Variants in PIK3C3 observed in about 807,000 individuals in gnomAD.
PIK3C3 encodes phosphatidylinositol 3-kinase catalytic subunit type 3.
In PIK3C3, 95 loss-of-function variants were observed where a neutral mutation model predicts 126.1. The ratio of observed to expected loss-of-function variants is 0.75; its 90% CI spans 0.64 to 0.89. The LOEUF (loss-of-function observed/expected upper bound fraction) is 0.89. PIK3C3 is among the 40% of genes least tolerant of loss of function. The pLI, the probability that PIK3C3 is intolerant of heterozygous loss-of-function variation, is 0.00. For missense variants in PIK3C3, 829 were observed against 1,063.2 expected (o/e 0.78, Z 3.06); for synonymous variants, 374 against 360.0 (o/e 1.04, Z -0.44).
chr18:42,085,629 G>C lies in PIK3C3; in HGVS notation c.*4492G>C, dbSNP rs1444462561. The stretch of plus-strand genomic sequence containing the variant: ...ATATTTAAGTCACAGTCAATTTTCT[G>C]TTGGTCTAATTTTACCAAATAACCC... On this transcript the variant is annotated 3_prime_UTR_variant, in exon 25 of 25. Coordinates refer to ENST00000262039, the MANE Select transcript of PIK3C3 (RefSeq NM_002647.4). The C allele has an allele frequency of 6.6e-6, 1 of 152,168 alleles. No homozygotes were observed. The highest frequency in any genetic ancestry group is 6.5e-5 in the Admixed American group (1 of 15,278). 9.4% of individuals were successfully genotyped at this position (152,168 alleles called of 1,614,324 possible). A position where few individuals can be genotyped will look rare whatever the true frequency, so the allele number is the denominator to read the frequency against.
In PIK3C3 at chr18:42,025,366, T is replaced by C. The variant is rs1024308210; in HGVS notation, c.1485-2077T>C. On this transcript the variant is annotated intron_variant, in intron 13 of 24. Transcript: ENST00000262039. ...TATTGACAGTTTCACCATTTAGAAC[T>C]GCTGTTTTTTGTTTTAATGTTCGGC... The C allele has an allele frequency of 2.0e-5, 3 of 152,240 alleles. No homozygotes were observed. The South Asian group carries it at 6.2e-4, about 32-fold the overall frequency. 9.4% of individuals were successfully genotyped at this position (152,240 alleles called of 1,614,324 possible). A position where few individuals can be genotyped will look rare whatever the true frequency, so the allele number is the denominator to read the frequency against.
intron 10 of PIK3C3, among the ~76,000 whole-genome samples, 163 bp downstream of exon 10, chr18:42,004,704 A>C (rs1370372373): frequency 6.6e-6 from 1 of 152,192 alleles, no homozygotes; most frequent in Admixed American, 6.5e-5. Flanking sequence ...TTTCAGAAGG[A>C]AAATTAAAAT....
At chr18:42,059,008 C>A (rs1321795965) in intron 22 of PIK3C3, among the ~76,000 whole-genome samples, 1 of 152,192 alleles carries the variant, frequency 6.6e-6, no homozygotes, top group Non-Finnish European at 1.5e-5. Context: ...ATTACTCATA[C>A]AGTGTTTAGT....
intron 22 of PIK3C3, among the ~76,000 whole-genome samples, chr18:42,059,027 A>C (rs1203727331): frequency 6.6e-6 from 1 of 152,122 alleles, no homozygotes; most frequent in African/African-American, 2.4e-5. Context: ...GTACATAGGC[A>C]CTCATTGTGT....
chr18:41,984,533 G>A (rs608428), intron 4 of PIK3C3, among the ~76,000 whole-genome samples: 12,627 of 152,168 alleles, frequency 0.083, 1,714 homozygotes, highest in African/African-American at 0.28. Context: ...GGTTTGAAGA[G>A]CCAGAAGAGA....
At chr18:41,992,565 T>C (rs1246822573) in intron 6 of PIK3C3, among the ~76,000 whole-genome samples, 6 of 152,326 alleles carry the variant, frequency 3.9e-5, no homozygotes, top group East Asian at 3.9e-4. Flanking sequence ...TTTTCCAGTA[T>C]ATTTGGCAGT....
chr18:41,956,548 C>CTTTTTTTTTTTT (rs57601171), intron 1 of PIK3C3, among the ~76,000 whole-genome samples: 3 of 100,238 alleles, frequency 3.0e-5, no homozygotes, highest in African/African-American at 1.3e-4. Flanking sequence ...AAACCGGTCC[C>CTTTTTTTTTTTT]TTTTTTTTTT....
At chr18:41,997,325 A>G (rs984510859) in intron 9 of PIK3C3, among the ~76,000 whole-genome samples, 4 of 152,130 alleles carry the variant, frequency 2.6e-5, no homozygotes, top group African/African-American at 7.2e-5. Flanking sequence ...CGGGTAGGTC[A>G]AAGCTCAAAG....
intron 22 of PIK3C3, among the ~76,000 whole-genome samples, chr18:42,061,083 T>C (rs1369101757): frequency 6.6e-6 from 1 of 152,182 alleles, no homozygotes; most frequent in Non-Finnish European, 1.5e-5. Flanking sequence ...TTAAACTATC[T>C]TTGTGTGACT....
At position 42,064,936 on chromosome 18, in the gene PIK3C3, G is replaced by T. The variant is rs550776574; in HGVS notation, c.2523+106G>T. ...TGCAGCCAGTTTTATCCCCTTCCTT[G>T]TTCCTGCCCACAGTCACATGAATAG... On this transcript the variant is annotated intron_variant, in intron 23 of 24. Transcript: ENST00000262039. The T allele has an allele frequency of 6.3e-6, 4 of 635,332 alleles. No individual in the cohort carries two copies. In the Admixed American group the frequency reaches 1.0e-4, roughly 16 times the overall value. The allele number at this position is 635,332 out of a possible 1,614,324, so 39.4% of individuals were successfully genotyped here.
intron 6 of PIK3C3, 63 bp downstream of exon 6, chr18:41,990,617 ATTG>A (rs986382120): frequency 5.8e-6 from 5 of 862,102 alleles, no homozygotes; most frequent in African/African-American, 1.7e-5. Context: ...TTAAAAAAAT[ATTG>A]TTGTTCCTGC....
In PIK3C3 at chr18:42,064,810, C is replaced by A; in HGVS notation, c.2503C>A (p.Pro835Thr). The A allele has an allele frequency of 6.3e-7, 1 of 1,585,970 alleles. No individual in the cohort carries two copies. The highest frequency in any genetic ancestry group is 8.7e-7 in the Non-Finnish European group (1 of 1,155,152). The change falls in exon 23 of 25, where the codon CCA becomes ACA. Residue 835 changes from proline (P) to threonine (T), a missense_variant. This residue lies in a region of PIK3C3 where 196 missense variants were observed against 312.8 expected (regional missense o/e 0.63). Transcript: ENST00000262039. ...DANIPDIALE[P>T]DKTVKKVQDK... ...AAACATTCCAGATATTGCACTTGAA[C>A]CAGATAAAACTGTGAAAAAGGTAAT...
chr18:41,974,668 A>G (rs1439590136), intron 4 of PIK3C3, among the ~76,000 whole-genome samples: 1 of 151,684 alleles, frequency 6.6e-6, no homozygotes, highest in African/African-American at 2.4e-5. Flanking sequence ...CCAGACTTCT[A>G]GAGCATTTAT....
chr18:42,013,139 A>G lies in PIK3C3; in HGVS notation c.1171-303A>G, dbSNP rs150495201. 6.4e-4 allele frequency among the ~76,000 whole-genome samples: 91 copies of G among 141,492 alleles called. 1 individual carries two copies. The East Asian group carries it at 0.015, about 24-fold the overall frequency. 92.8% of individuals were successfully genotyped at this position (141,492 alleles called of 152,430 possible). On this transcript the variant is annotated intron_variant, in intron 10 of 24. Transcript: ENST00000262039. Reference sequence around the variant, plus strand: ...TTTTTTTTTTTTTTTTTTTGAAACTACTACCTAAAACACGTCATTTACTGG... The same window carrying G: ...TTTTTTTTTTTTTTTTTTTGAAACTGCTACCTAAAACACGTCATTTACTGG...
rs77761411 is a variant in PIK3C3, at chr18:42,016,534, A to C, written c.1416+968A>C. On this transcript the variant is annotated intron_variant, in intron 12 of 24. Coordinates refer to ENST00000262039, the MANE Select transcript of PIK3C3 (RefSeq NM_002647.4). Reference sequence around the variant, plus strand: ...CAAGACAGTTACAATGTTTGCCTTCATAGAGGTTATGTTCTAGAAAGCTCT... The same window carrying C: ...CAAGACAGTTACAATGTTTGCCTTCCTAGAGGTTATGTTCTAGAAAGCTCT... Among the ~76,000 whole-genome samples, 21 of 152,310 alleles carry C rather than the reference A, an allele frequency of 1.4e-4. No homozygotes were observed. In the East Asian group the frequency reaches 4.1e-3, roughly 29 times the overall value.
chr18:41,959,768 T>C (rs1979984565), intron 2 of PIK3C3, among the ~76,000 whole-genome samples: 2 of 152,058 alleles, frequency 1.3e-5, no homozygotes. Flanking sequence ...CACTCCAGCC[T>C]GGGCAACAGA....
At chr18:41,971,452 T>A (rs1980662570) in intron 4 of PIK3C3, 1 of 152,120 alleles carries the variant, frequency 6.6e-6, no homozygotes, top group African/African-American at 2.4e-5. Flanking sequence ...AATGGTGTTG[T>A]AGCAACCTGA....
chr18:41,986,244 A>G (rs1387479417), intron 4 of PIK3C3, among the ~76,000 whole-genome samples: 1 of 152,176 alleles, frequency 6.6e-6, no homozygotes, highest in Non-Finnish European at 1.5e-5. Context: ...ATAATTTGGC[A>G]TGTAAATAAA....
chr18:41,999,741 T>C (rs1016855360), intron 9 of PIK3C3, among the ~76,000 whole-genome samples: 2 of 152,152 alleles, frequency 1.3e-5, no homozygotes, highest in African/African-American at 4.8e-5. Flanking sequence ...GTAATTAATA[T>C]AATATAAATG....
Sources: gnomAD v4.1 joint callset for allele counts (sites outside exome capture counted in the v4.1 genomes callset) on GRCh38, gnomAD v4.1.1 for gene constraint, gnomAD v4.1.1 regional missense constraint, MANE v1.5 for transcripts, NCBI Gene and HGNC (gene_info 2026-07-23, HGNC 2026-07-21) for gene names.